The following TCTN2 variants were observed in gnomAD, a reference collection of about 807,000 sequenced individuals.
TCTN2 encodes tectonic-2.
Under a neutral mutation model 83.4 loss-of-function variants are expected in TCTN2, and 66 were observed. The ratio of observed to expected loss-of-function variants is 0.79; its 90% CI spans 0.65 to 0.97. TCTN2 has a LOEUF of 0.97. Among genes scored for constraint, TCTN2 ranks in the 50% least tolerant of loss-of-function variants. The probability of loss-of-function intolerance (pLI) is 0.00; values close to 1 mark genes in which losing one functional copy is unlikely to be tolerated. For missense variants in TCTN2, 794 were observed against 858.1 expected (o/e 0.93, Z 0.93); for synonymous variants, 301 against 326.7 (o/e 0.92, Z 0.85).
intron 5 of TCTN2, among the ~76,000 whole-genome samples, chr12:123,682,459 C>CT (rs71088947): frequency 0.36 from 54,431 of 151,228 alleles, 10,245 homozygotes; most frequent in African/African-American, 0.42. Flanking sequence ...ATTCTAGTTT[C>CT]TTTTTTTTGT....
At chr12:123,695,111 A>C in intron 10 of TCTN2, 109 bp from the exon 11 acceptor site, 1 of 1,430,584 alleles carries the variant, frequency 7.0e-7, no homozygotes, top group South Asian at 1.2e-5. Context: ...TTAATTAACG[A>C]GAGTACACTT....
chr12:123,687,058 G>T, intron 6 of TCTN2, 23 bp downstream of exon 6: 1 of 1,613,962 alleles, frequency 6.2e-7, no homozygotes, highest in South Asian at 1.1e-5. Context: ...GCAGCCGCCT[G>T]GGATGGGGCA....
Position 123,704,638 on chromosome 12 carries a change from T to C in TCTN2, c.1719T>C (p.Ala573=). 6.2e-7 allele frequency: 1 copy of C among 1,613,016 alleles called. No individual in the cohort carries two copies. The highest frequency in any genetic ancestry group is 8.5e-7 in the Non-Finnish European group (1 of 1,179,836). The change falls in exon 15 of 18, where the codon GCT becomes GCC. Residue 573 remains alanine (A), a synonymous_variant. Coordinates refer to ENST00000303372, the MANE Select transcript of TCTN2 (RefSeq NM_024809.5). ...GCATCCGCATCCTCATCTCGGATGC[T>C]GGCGCGGTGGAAGGGATTACTCAGC... ...HLSIRILISD[A]GAVEGITQQE...
intron 8 of TCTN2, among the ~76,000 whole-genome samples, chr12:123,692,174 G>A (rs1264854948): frequency 2.6e-5 from 4 of 151,988 alleles, no homozygotes; most frequent in Admixed American, 1.3e-4. Flanking sequence ...GCCTCCCAGA[G>A]TGCTGGGATT....
At chr12:123,684,232 C>A (rs1307140397) in intron 5 of TCTN2, among the ~76,000 whole-genome samples, 3 of 152,030 alleles carry the variant, frequency 2.0e-5, no homozygotes, top group African/African-American at 4.8e-5. Context: ...CCCCTCACCT[C>A]CAAAGGTTTC....
intron 14 of TCTN2, among the ~76,000 whole-genome samples, chr12:123,700,437 G>T (rs79447289): frequency 8.2e-4 from 124 of 152,110 alleles, no homozygotes; most frequent in African/African-American, 3.0e-3. Context: ...TGTTTGTTTG[G>T]TTGGTTTTTT....
At chr12:123,692,203 G>A (rs1368588272) in intron 8 of TCTN2, among the ~76,000 whole-genome samples, 2 of 151,928 alleles carry the variant, frequency 1.3e-5, no homozygotes, top group Non-Finnish European at 2.9e-5. Flanking sequence ...GAGCCACCAC[G>A]CCCGGCTAAT....
intron 17 of TCTN2, 104 bp downstream of exon 17, chr12:123,707,177 T>TA (rs1374690759): frequency 2.5e-5 from 25 of 982,534 alleles, no homozygotes; most frequent in Non-Finnish European, 3.3e-5. Context: ...TATAGAAACT[T>TA]AAAAAAAAGT....
At position 123,697,169 on chromosome 12, in the gene TCTN2, C is replaced by T. The variant is rs755762894; in HGVS notation, c.1476C>T (p.Val492=). The T allele has an allele frequency of 5.0e-6, 8 of 1,613,634 alleles. No individual in the cohort carries two copies. The highest frequency in any genetic ancestry group is 1.1e-5 in the South Asian group (1 of 91,044). Residue 492 remains valine (V), a synonymous_variant, in exon 13 of 18, where the codon GTC becomes GTT. Transcript: ENST00000303372. ...ENVLSGCLLE[V]GINENCTQLR... ...TACTCTCTGGATGCCTGTTAGAAGT[C>T]GGGATTAATGAAAATTGTACTCAGC...
At chr12:123,698,610 T>C (rs1956137773) in intron 13 of TCTN2, among the ~76,000 whole-genome samples, 1 of 152,006 alleles carries the variant, frequency 6.6e-6, no homozygotes, top group African/African-American at 2.4e-5. Context: ...TTCGTATTTT[T>C]TGTAGAGATG....
intron 3 of TCTN2, 27 bp from the exon 4 acceptor site, chr12:123,673,588 A>G (rs759841267): frequency 1.2e-6 from 2 of 1,612,628 alleles, no homozygotes; most frequent in South Asian, 1.1e-5. Context: ...GAGTCACTTT[A>G]AAAATACAGC....
chr12:123,700,578 G>A (rs992169375), intron 14 of TCTN2, among the ~76,000 whole-genome samples: 5 of 152,086 alleles, frequency 3.3e-5, no homozygotes, highest in Non-Finnish European at 7.4e-5. Flanking sequence ...GATTACAGGC[G>A]CCCACCACCA....
intron 15 of TCTN2, among the ~76,000 whole-genome samples, chr12:123,705,343 A>G (rs1177246151): frequency 6.6e-6 from 1 of 151,686 alleles, no homozygotes; most frequent in Admixed American, 6.6e-5. Context: ...TTGTATTTTT[A>G]GTAAAGACAG....
intron 7 of TCTN2, among the ~76,000 whole-genome samples, chr12:123,689,991 G>A (rs1258414376): frequency 6.6e-6 from 1 of 152,078 alleles, no homozygotes; most frequent in Non-Finnish European, 1.5e-5. Context: ...GTAGAGACAG[G>A]GTCTTGCTAT....
At chr12:123,680,006 G>A (rs373571364) in intron 5 of TCTN2, among the ~76,000 whole-genome samples, 3 of 149,792 alleles carry the variant, frequency 2.0e-5, no homozygotes, top group Non-Finnish European at 4.5e-5. Flanking sequence ...CCCAAAGTGC[G>A]GGGATTACAG....
intron 14 of TCTN2, among the ~76,000 whole-genome samples, chr12:123,703,670 C>T (rs377582592): frequency 3.3e-5 from 5 of 150,994 alleles, no homozygotes; most frequent in East Asian, 2.0e-4. Flanking sequence ...TTATTTTTCT[C>T]GAGGAGACAG....
intron 2 of TCTN2, 115 bp from the exon 3 acceptor site, chr12:123,671,940 CT>C: frequency 2.2e-6 from 2 of 894,246 alleles, no homozygotes; most frequent in Non-Finnish European, 3.8e-6. Context: ...TGTCAAGCAG[CT>C]TGTAAAGGGC....
At chr12:123,701,211 A>C (rs905790270) in intron 14 of TCTN2, among the ~76,000 whole-genome samples, 2 of 152,222 alleles carry the variant, frequency 1.3e-5, no homozygotes, top group African/African-American at 4.8e-5. Flanking sequence ...GGCAATGTAT[A>C]GAGACAGCAG....
intron 14 of TCTN2, among the ~76,000 whole-genome samples, chr12:123,700,579 C>T (rs112955959): frequency 0.055 from 8,334 of 152,122 alleles, 448 homozygotes; most frequent in African/African-American, 0.13. Context: ...ATTACAGGCG[C>T]CCACCACCAC....
Sources: allele counts gnomAD v4.1 joint callset (sites outside exome capture counted in the v4.1 genomes callset), GRCh38; gene constraint gnomAD v4.1.1; transcripts MANE v1.5; gene names NCBI Gene and HGNC (gene_info 2026-07-23, HGNC 2026-07-21).